The following MAP3K20 variants were observed in gnomAD, a reference collection of about 807,000 sequenced individuals.
MAP3K20 encodes HCCS-4.
Under a neutral mutation model 85.7 loss-of-function variants are expected in MAP3K20, and 40 were observed. The observed-to-expected ratio is 0.47, with a 90% CI of 0.36 to 0.61. The LOEUF (loss-of-function observed/expected upper bound fraction) is 0.61, where lower values mean the gene tolerates loss of function less well. MAP3K20 is among the 20% of genes least tolerant of loss of function. MAP3K20 has a pLI of 0.00. For synonymous variants in MAP3K20, 325 were observed against 327.7 expected (o/e 0.99, Z 0.09); for missense variants, 817 against 961.7 (o/e 0.85, Z 1.99).
intron 3 of MAP3K20, among the ~76,000 whole-genome samples, chr2:173,176,542 A>G (rs1690166355): frequency 6.6e-6 from 1 of 152,152 alleles, no homozygotes; most frequent in South Asian, 2.1e-4. Context: ...ACTACTGCTA[A>G]GAAAGTCATT....
intron 16 of MAP3K20, among the ~76,000 whole-genome samples, chr2:173,251,714 T>C (rs1685045890): frequency 6.6e-6 from 1 of 152,232 alleles, no homozygotes; most frequent in South Asian, 2.1e-4. Context: ...TTCTGGTGGT[T>C]ACACAGATAT....
chr2:173,082,698 C>T (rs543293710), intron 1 of MAP3K20, among the ~76,000 whole-genome samples: 1 of 152,220 alleles, frequency 6.6e-6, no homozygotes, highest in Non-Finnish European at 1.5e-5. Context: ...GAAATCTCCC[C>T]TCTCCGTGCA....
At position 173,093,021 on chromosome 2, in the gene MAP3K20, T is replaced by C. The variant is rs6751482; in HGVS notation, c.159+1831T>C. Among the ~76,000 whole-genome samples the C allele has an allele frequency of 7.5e-3, 1,138 of 152,298 alleles. 15 individuals are homozygous for C. Among genetic ancestry groups the C allele is most frequent in the African/African-American group, 0.023 (964 of 41,564 alleles). Reference sequence around the variant, plus strand: ...GAAAAACAAAACCTCCACTTTTGCTTTGGGGCTTAGTCAGTGATTATGAGT... The same window carrying C: ...GAAAAACAAAACCTCCACTTTTGCTCTGGGGCTTAGTCAGTGATTATGAGT... On this transcript the variant is annotated intron_variant, in intron 2 of 19. Coordinates refer to ENST00000375213, the MANE Select transcript of MAP3K20 (RefSeq NM_016653.3).
intron 2 of MAP3K20, among the ~76,000 whole-genome samples, chr2:173,168,125 T>G (rs996393808): frequency 8.6e-5 from 12 of 140,250 alleles, no homozygotes; most frequent in African/African-American, 2.7e-4. Context: ...TAAATAAACT[T>G]TATTATTATT....
chr2:173,117,021 G>C (rs1051117167), intron 2 of MAP3K20, among the ~76,000 whole-genome samples: 1 of 152,182 alleles, frequency 6.6e-6, no homozygotes, highest in Non-Finnish European at 1.5e-5. Flanking sequence ...ATTGGTGAAG[G>C]CAAGGCTTAT....
At chr2:173,095,844 T>C (rs1687441628) in intron 2 of MAP3K20, among the ~76,000 whole-genome samples, 1 of 152,224 alleles carries the variant, frequency 6.6e-6, no homozygotes, top group Admixed American at 6.5e-5. Context: ...TACAATATGA[T>C]CCCAGGTATA....
intron 2 of MAP3K20, among the ~76,000 whole-genome samples, chr2:173,168,727 TTAC>T (rs1689911193): frequency 1.3e-5 from 2 of 152,170 alleles, no homozygotes; most frequent in Non-Finnish European, 2.9e-5. Flanking sequence ...TATATTTAAC[TTAC>T]GTGATTTTAT....
rs193019625 is a variant in MAP3K20, at chr2:173,118,261, T to C, written c.159+27071T>C. 2.0e-3 allele frequency among the ~76,000 whole-genome samples: 304 copies of C among 152,350 alleles called. 1 individual carries two copies. In the Middle Eastern group the frequency reaches 0.024, roughly 12 times the overall value. ...AGATAAAAATCCTACTGTAAATAGA[T>C]GTGTCAGAAAGAATGAGATGTGAAT... On this transcript the variant is annotated intron_variant, in intron 2 of 19. Transcript: ENST00000375213.
At chr2:173,089,589 CTT>C (rs1021963603) in intron 1 of MAP3K20, among the ~76,000 whole-genome samples, 2 of 127,910 alleles carry the variant, frequency 1.6e-5, no homozygotes, top group African/African-American at 2.6e-5. Flanking sequence ...TCGTGTTTCC[CTT>C]TTTTTTTTTG....
chr2:173,200,823 G>C (rs1310685976), intron 8 of MAP3K20, among the ~76,000 whole-genome samples: 2 of 152,044 alleles, frequency 1.3e-5, no homozygotes, highest in Admixed American at 6.6e-5. Context: ...GTAGAAATGG[G>C]GTTTCACCAT....
intron 14 of MAP3K20, among the ~76,000 whole-genome samples, chr2:173,237,355 C>A (rs1470994577): frequency 1.3e-5 from 2 of 152,008 alleles, no homozygotes; most frequent in Non-Finnish European, 2.9e-5. Context: ...TTGTGTTTGT[C>A]CCTCCCTTTA....
intron 2 of MAP3K20, among the ~76,000 whole-genome samples, chr2:173,147,787 A>G (rs1689179400): frequency 1.3e-5 from 2 of 152,044 alleles, no homozygotes; most frequent in Admixed American, 6.6e-5. Context: ...GGGTTTCACC[A>G]TGTTGGCCAG....
At chr2:173,176,511 A>T (rs141762331) in intron 3 of MAP3K20, among the ~76,000 whole-genome samples, 1 of 152,152 alleles carries the variant, frequency 6.6e-6, no homozygotes, top group African/African-American at 2.4e-5. Flanking sequence ...CTAAATTAAG[A>T]TACATTTTAT....
intron 16 of MAP3K20, among the ~76,000 whole-genome samples, chr2:173,240,692 T>C (rs1355836161): frequency 6.6e-6 from 1 of 152,016 alleles, no homozygotes; most frequent in Non-Finnish European, 1.5e-5. Context: ...TGAATGCTGG[T>C]GAGGATGTGG....
intron 2 of MAP3K20, among the ~76,000 whole-genome samples, chr2:173,116,014 A>T (rs951270534): frequency 2.7e-4 from 10 of 37,450 alleles, no homozygotes; most frequent in Admixed American, 1.4e-3. Context: ...GAGTCTAATT[A>T]AAAAAAAAAA....
intron 2 of MAP3K20, among the ~76,000 whole-genome samples, chr2:173,136,517 G>T (rs143901200): frequency 6.6e-6 from 1 of 152,198 alleles, no homozygotes; most frequent in East Asian, 1.9e-4. Flanking sequence ...GAAGCAGAGG[G>T]TGAGAAAGAA....
intron 3 of MAP3K20, among the ~76,000 whole-genome samples, chr2:173,175,958 T>G (rs1195059960): frequency 5.3e-5 from 8 of 152,194 alleles, no homozygotes; most frequent in Admixed American, 3.9e-4. Flanking sequence ...TCTATTTTAG[T>G]TAATATTTTA....
chr2:173,263,218 G>GC (rs1685335530), intron 18 of MAP3K20, among the ~76,000 whole-genome samples: 1 of 152,026 alleles, frequency 6.6e-6, no homozygotes, highest in Non-Finnish European at 1.5e-5. Context: ...TCTCACTTTT[G>GC]CATCTGAGAC....
Position 173,160,900 on chromosome 2 carries a change from C to A in MAP3K20, c.160-8905C>A, listed in dbSNP as rs189847180. Among the ~76,000 whole-genome samples the A allele has an allele frequency of 1.6e-4, 25 of 152,274 alleles. 1 individual carries two copies. The East Asian group carries it at 4.6e-3, about 28-fold the overall frequency. ...TGAGTACCAGGGGTCCATCTGTCAG[C>A]ACACAGCAAAGAAGCACCTACCGTA... On this transcript the variant is annotated intron_variant, in intron 2 of 19. Coordinates refer to ENST00000375213, the MANE Select transcript of MAP3K20 (RefSeq NM_016653.3).
Sources: gnomAD v4.1 joint callset for allele counts (sites outside exome capture counted in the v4.1 genomes callset) on GRCh38, gnomAD v4.1.1 for gene constraint, MANE v1.5 for transcripts, NCBI Gene and HGNC (gene_info 2026-07-23, HGNC 2026-07-21) for gene names.